SYT17: variants seen among roughly 807,000 people sequenced by gnomAD.
The protein encoded by SYT17 is synaptotagmin 17.
A neutral mutation model predicts 46.7 loss-of-function variants in SYT17; 22 were observed. The observed-to-expected ratio is 0.47, with a 90% CI of 0.34 to 0.67. The LOEUF (loss-of-function observed/expected upper bound fraction) is 0.67. Among genes scored for constraint, SYT17 ranks in the 30% least tolerant of loss-of-function variants. The pLI is 0.01. For missense variants in SYT17, 519 were observed against 612.8 expected, an observed-to-expected ratio of 0.85 and a Z score of 1.62; for synonymous variants, 251 against 248.4, an observed-to-expected ratio of 1.01 and a Z score of -0.10.
At chr16:19,227,725 A>G (rs954971577) in intron 7 of SYT17, among the ~76,000 whole-genome samples, 1 of 152,200 alleles carries the variant, frequency 6.6e-6, no homozygotes, top group Non-Finnish European at 1.5e-5. Context: ...TCACACAAAC[A>G]ATATCCACAT....
chr16:19,218,941 C>G (rs915427318), intron 5 of SYT17, among the ~76,000 whole-genome samples: 1 of 152,176 alleles, frequency 6.6e-6, no homozygotes, highest in African/African-American at 2.4e-5. Context: ...CCTCTTTCCT[C>G]CCTCATTCCT....
intron 7 of SYT17, among the ~76,000 whole-genome samples, chr16:19,266,521 A>C (rs1969368525): frequency 6.6e-6 from 1 of 152,214 alleles, no homozygotes; most frequent in Non-Finnish European, 1.5e-5. Context: ...ATCCACTTAC[A>C]GAGCTCTATA....
At chr16:19,265,634 C>T (rs765083001) in intron 7 of SYT17, among the ~76,000 whole-genome samples, 5 of 152,168 alleles carry the variant, frequency 3.3e-5, no homozygotes, top group Admixed American at 6.5e-5. Flanking sequence ...TGCCTTTGCT[C>T]GGCTCACGCT....
chr16:19,253,769 C>G (rs1968362564), intron 7 of SYT17, among the ~76,000 whole-genome samples: 1 of 152,064 alleles, frequency 6.6e-6, no homozygotes, highest in Non-Finnish European at 1.5e-5. Context: ...CTCTTGTTGC[C>G]CAGGCTGGAG....
intron 5 of SYT17, among the ~76,000 whole-genome samples, chr16:19,185,630 C>T (rs1596909483): frequency 6.6e-6 from 1 of 152,094 alleles, no homozygotes; most frequent in South Asian, 2.1e-4. Flanking sequence ...GTTGCCTTTC[C>T]ATGGGGAGCC....
intron 7 of SYT17, among the ~76,000 whole-genome samples, chr16:19,227,848 C>T (rs973544788): frequency 6.6e-6 from 1 of 152,228 alleles, no homozygotes; most frequent in South Asian, 2.1e-4. Flanking sequence ...GTGAACAAAA[C>T]AGACCTAATC....
intron 5 of SYT17, among the ~76,000 whole-genome samples, chr16:19,208,923 C>T (rs969657244): frequency 3.4e-4 from 33 of 98,006 alleles, no homozygotes; most frequent in African/African-American, 8.1e-4. Flanking sequence ...GACAGAGTCT[C>T]GCGCTGTCAC....
intron 5 of SYT17, among the ~76,000 whole-genome samples, chr16:19,202,724 ATTTTATT>A (rs1266145337): frequency 6.6e-5 from 10 of 152,024 alleles, no homozygotes; most frequent in Admixed American, 6.5e-4. Context: ...GATTCCGGGC[ATTTTATT>A]TTTATTTTCA....
At chr16:19,223,306 C>T (rs759614514) in intron 6 of SYT17, 141 bp downstream of exon 6, 22 of 1,095,554 alleles carry the variant, frequency 2.0e-5, no homozygotes, top group Admixed American at 2.8e-5. Flanking sequence ...ATCTTAGTAA[C>T]CCTATTGGAA....
intron 7 of SYT17, among the ~76,000 whole-genome samples, chr16:19,262,261 G>A (rs1392645547): frequency 6.6e-6 from 1 of 152,178 alleles, no homozygotes; most frequent in Non-Finnish European, 1.5e-5. Context: ...AGACCATGAA[G>A]GCTCTGTCCT....
At chr16:19,262,908 G>A (rs946297853) in intron 7 of SYT17, among the ~76,000 whole-genome samples, 2 of 152,150 alleles carry the variant, frequency 1.3e-5, no homozygotes, top group African/African-American at 4.8e-5. Flanking sequence ...TGGGCTGAGG[G>A]GTAGGCAGGG....
Position 19,172,647 on chromosome 16 carries a change from T to C in SYT17, c.16-113T>C, listed in dbSNP as rs745836120. 5.1e-6 allele frequency: 8 copies of C among 1,555,312 alleles called. No individual in the cohort carries two copies. In the African/African-American group the frequency reaches 9.7e-5, roughly 19 times the overall value. On this transcript the variant is annotated intron_variant, in intron 1 of 7. Transcript: ENST00000355377. ...GAAATATGCAGGGCTTTTTTTTTTT[T>C]TTGTAAAATTTTTTTGAGTTGCTGG...
Position 19,168,907 on chromosome 16 carries a change from T to TG in SYT17, c.15+250dup, listed in dbSNP as rs1963972018. ...CTCTGCAACGCGCGCCCTTGCCTCT[T>TG]GGGGAGGGAATGGGGGGTGGGGCGG... is the stretch of plus-strand genomic sequence containing the variant. On this transcript the variant is annotated intron_variant, in intron 1 of 7. Transcript: ENST00000355377. The surrounding 1 kb of genome is among the most constrained non-coding windows in gnomAD (Gnocchi z 6.9). Among the ~76,000 whole-genome samples, 1 of 151,446 alleles carries TG rather than the reference T, an allele frequency of 6.6e-6. No homozygotes were observed. The highest frequency in any genetic ancestry group is 6.6e-5 in the Admixed American group (1 of 15,250).
intron 5 of SYT17, among the ~76,000 whole-genome samples, chr16:19,194,879 T>A (rs1965172178): frequency 6.6e-6 from 1 of 152,240 alleles, no homozygotes; most frequent in Non-Finnish European, 1.5e-5. Flanking sequence ...ATTGCAGATG[T>A]GAGCCATCAC....
At chr16:19,172,248 G>A in intron 1 of SYT17, 1 of 926,840 alleles carries the variant, frequency 1.1e-6, no homozygotes, top group Non-Finnish European at 1.4e-6. Context: ...CTATTTGTGG[G>A]TGGTGATAGG....
At chr16:19,187,900 T>C (rs980941207) in intron 5 of SYT17, among the ~76,000 whole-genome samples, 1 of 152,212 alleles carries the variant, frequency 6.6e-6, no homozygotes, top group Admixed American at 6.5e-5. Flanking sequence ...GTAAATTAGT[T>C]CAGCCATAGT....
intron 7 of SYT17, among the ~76,000 whole-genome samples, chr16:19,236,363 A>G (rs1054709244): frequency 2.0e-5 from 3 of 152,132 alleles, no homozygotes; most frequent in Non-Finnish European, 2.9e-5. Flanking sequence ...TTTTATGATC[A>G]TTTTTCAGCT....
intron 5 of SYT17, among the ~76,000 whole-genome samples, chr16:19,205,337 T>C (rs1412783145): frequency 6.6e-6 from 1 of 152,136 alleles, no homozygotes; most frequent in Non-Finnish European, 1.5e-5. Flanking sequence ...CTCAGGGCCT[T>C]TGCACTACCA....
chr16:19,172,655 A>AT lies in SYT17; in HGVS notation c.16-98dup, dbSNP rs759499660. On this transcript the variant is annotated intron_variant, in intron 1 of 7. Transcript: ENST00000355377. The stretch of plus-strand genomic sequence containing the variant: ...CAGGGCTTTTTTTTTTTTTTGTAAA[A>AT]TTTTTTTGAGTTGCTGGAATATTGC... 4.5e-6 allele frequency: 7 copies of AT among 1,548,970 alleles called. No individual in the cohort carries two copies. In the South Asian group the frequency reaches 5.0e-5, roughly 11 times the overall value.
Sources: gnomAD v4.1 joint callset for allele counts (sites outside exome capture counted in the v4.1 genomes callset) on GRCh38, gnomAD v4.1.1 for gene constraint, Gnocchi (gnomAD v3.1) non-coding constraint, MANE v1.5 for transcripts, NCBI Gene and HGNC (gene_info 2026-07-23, HGNC 2026-07-21) for gene names.